ATP11A: variants seen among roughly 807,000 people sequenced by gnomAD.
ATP11A encodes ATPase phospholipid transporting 11A, also known as phospholipid-transporting ATPase IH.
A neutral mutation model predicts 154.4 loss-of-function variants in ATP11A; 81 were observed. The ratio of observed to expected loss-of-function variants is 0.52; its 90% confidence interval spans 0.44 to 0.63. ATP11A has a LOEUF of 0.63. ATP11A is among the 30% of genes least tolerant of loss of function. ATP11A has a pLI of 0.00. For missense variants in ATP11A, 1,316 were observed against 1,474.3 expected (o/e 0.89, Z 1.76); for synonymous variants, 623 against 585.9 (o/e 1.06, Z -0.91).
At chr13:112,866,023 A>G (rs1259313061) in intron 25 of ATP11A, among the ~76,000 whole-genome samples, 1 of 152,186 alleles carries the variant, frequency 6.6e-6, no homozygotes, top group African/African-American at 2.4e-5. Flanking sequence ...TTCCTCTGTG[A>G]TGAGTAGATT....
intron 1 of ATP11A, among the ~76,000 whole-genome samples, chr13:112,755,157 A>G (rs539468815): frequency 6.6e-6 from 1 of 152,114 alleles, no homozygotes; most frequent in Non-Finnish European, 1.5e-5. Flanking sequence ...TTTTCTTTTG[A>G]TTTTTTTCAA....
intron 1 of ATP11A, among the ~76,000 whole-genome samples, chr13:112,782,471 A>C (rs2140014143): frequency 6.6e-6 from 1 of 151,780 alleles, no homozygotes; most frequent in East Asian, 1.9e-4. Context: ...ATTCAGTGCA[A>C]TTTCCTGATT....
rs1889398899 is a variant in ATP11A at position 112,723,225 on chromosome 13, G to A, written c.39+32770G>A. Among the ~76,000 whole-genome samples the A allele has an allele frequency of 1.4e-5, 2 of 147,518 alleles. 1 individual carries two copies. Among genetic ancestry groups the A allele is most frequent in the South Asian group, 4.5e-4 (2 of 4,482 alleles). ...GAGCGTGGGTTGAGGTAAAGAGGTT[G>A]TGGAGACCAGGGCTTTATCACGCAG... On this transcript the variant is annotated intron_variant, in intron 1 of 29. Transcript: ENST00000375645.
intron 1 of ATP11A, among the ~76,000 whole-genome samples, chr13:112,763,909 C>T (rs2139892892): frequency 6.6e-6 from 1 of 152,346 alleles, no homozygotes; most frequent in African/African-American, 2.4e-5. Flanking sequence ...TCAAATCAAG[C>T]TGTGCCCCAA....
intron 1 of ATP11A, among the ~76,000 whole-genome samples, chr13:112,721,812 T>G (rs1299261434): frequency 6.6e-6 from 1 of 152,134 alleles, no homozygotes. Context: ...GTTTCCCAAA[T>G]TCAGATTAGT....
intron 4 of ATP11A, 32 bp from the exon 5 acceptor site, chr13:112,810,587 T>C (rs2078463180): frequency 1.3e-6 from 2 of 1,570,990 alleles, no homozygotes; most frequent in Non-Finnish European, 1.8e-6. Flanking sequence ...TCTCCCTGCT[T>C]CCTCTCTCCC....
intron 1 of ATP11A, among the ~76,000 whole-genome samples, chr13:112,757,007 C>T (rs929371793): frequency 6.6e-6 from 1 of 152,246 alleles, no homozygotes; most frequent in South Asian, 2.1e-4. Context: ...GAAGAATTAG[C>T]TTTCTGTGGA....
chr13:112,758,048 T>C (rs1476731301), intron 1 of ATP11A, among the ~76,000 whole-genome samples: 1 of 152,322 alleles, frequency 6.6e-6, no homozygotes, highest in East Asian at 1.9e-4. Context: ...CAACCTTTGT[T>C]TTTACACTAA....
At chr13:112,763,069 G>C (rs2076998722) in intron 1 of ATP11A, among the ~76,000 whole-genome samples, 1 of 152,258 alleles carries the variant, frequency 6.6e-6, no homozygotes. Context: ...GTGGCTGAGT[G>C]CCTGCGTCCA....
chr13:112,854,507 C>G lies in ATP11A; in HGVS notation c.2220C>G (p.Ser740Arg), dbSNP rs757305852. ...LSKTVLRHSGSLTRDNLSGLS... is the reference protein window; with the variant it reads ...LSKTVLRHSGRLTRDNLSGLS... ...AGACGGTCCTGCGCCACAGCGGGAG[C>G]CTGACCAGAGACAACCTGTCCGGGT... The change falls in exon 19 of 30, where the codon AGC (serine) becomes AGG (arginine). Residue 740 changes from serine (S) to arginine (R), a missense_variant. Physicochemically the swap from Ser to Arg is moderately radical, Grantham distance 110 (BLOSUM62 -1). This residue lies in a region of ATP11A where 876 missense variants were observed against 1,006.8 expected (regional missense o/e 0.87). Transcript: ENST00000375645. 1 of 1,611,034 alleles carries G rather than the reference C, an allele frequency of 6.2e-7. No individual in the cohort carries two copies.
chr13:112,810,571 T>A (rs373724789), intron 4 of ATP11A, 48 bp from the exon 5 acceptor site: 226 of 1,490,380 alleles, frequency 1.5e-4, no homozygotes, highest in Non-Finnish European at 1.4e-4. Context: ...TTCTCCTCCT[T>A]CCCTCTCTCC....
chr13:112,801,836 T>C (rs1306939745), intron 2 of ATP11A, among the ~76,000 whole-genome samples: 2 of 152,266 alleles, frequency 1.3e-5, no homozygotes, highest in Non-Finnish European at 2.9e-5. Context: ...TCCATGTTTT[T>C]AAGATGTCAG....
At chr13:112,737,448 C>T (rs1891112376) in intron 1 of ATP11A, among the ~76,000 whole-genome samples, 1 of 152,222 alleles carries the variant, frequency 6.6e-6, no homozygotes, top group African/African-American at 2.4e-5. Context: ...ACAGGGAAAC[C>T]TCCAGAAGGG....
chr13:112,731,312 A>G (rs888504723), intron 1 of ATP11A, among the ~76,000 whole-genome samples: 1 of 140,160 alleles, frequency 7.1e-6, no homozygotes, highest in Non-Finnish European at 1.5e-5. Context: ...GGTTAGCTTT[A>G]TTACTAAAGA....
intron 1 of ATP11A, among the ~76,000 whole-genome samples, chr13:112,731,352 C>T (rs181040818): frequency 6.6e-6 from 1 of 150,904 alleles, no homozygotes; most frequent in South Asian, 2.1e-4. Context: ...CTAAAGAAAA[C>T]AGAAATGCCA....
At chr13:112,872,902 G>A (rs989001824) in intron 26 of ATP11A, among the ~76,000 whole-genome samples, 7 of 145,382 alleles carry the variant, frequency 4.8e-5, no homozygotes, top group African/African-American at 1.8e-4. Context: ...TGTGAGGTGT[G>A]GCTTTGTCTT....
intron 1 of ATP11A, among the ~76,000 whole-genome samples, chr13:112,712,801 T>C (rs1209056507): frequency 6.6e-6 from 1 of 152,230 alleles, no homozygotes; most frequent in African/African-American, 2.4e-5. Context: ...AGGGTGTTTG[T>C]CATCCCCTGT....
rs547344145 is a variant in ATP11A, at chr13:112,693,471, G to A, written c.39+3016G>A. Among the ~76,000 whole-genome samples, 280 of 151,132 alleles carry A rather than the reference G, an allele frequency of 1.9e-3. 1 individual carries two copies. Among genetic ancestry groups the A allele is most frequent in the South Asian group, 0.013 (62 of 4,782 alleles). The stretch of plus-strand genomic sequence containing the variant: ...GATGTATGAGCTGTGGGTACGGGGA[G>A]AGGGGACGGGGTGGAGAGTGTGTGT... On this transcript the variant is annotated intron_variant, in intron 1 of 29. Transcript: ENST00000375645.
chr13:112,763,750 G>A (rs1415904658), intron 1 of ATP11A, among the ~76,000 whole-genome samples: 3 of 152,140 alleles, frequency 2.0e-5, no homozygotes, highest in Admixed American at 6.6e-5. Flanking sequence ...TCAAGCAGTC[G>A]CCAGTCAGGA....
Sources: gnomAD v4.1 joint callset for allele counts (sites outside exome capture counted in the v4.1 genomes callset) on GRCh38, gnomAD v4.1.1 for gene constraint, gnomAD v4.1.1 regional missense constraint, MANE v1.5 for transcripts, NCBI Gene and HGNC (gene_info 2026-07-23, HGNC 2026-07-21) for gene names.